Variants in PDGFC observed in about 807,000 individuals in gnomAD.
PDGFC encodes platelet-derived growth factor C.
A neutral mutation model predicts 35.5 loss-of-function variants in PDGFC; 12 were observed. The observed-to-expected ratio is 0.34, with a 90% confidence interval of 0.22 to 0.55. The LOEUF (loss-of-function observed/expected upper bound fraction) is 0.55. Ranked by LOEUF, PDGFC falls within the 20% of genes least tolerant of loss-of-function variation. The pLI is 0.91. For synonymous variants in PDGFC, 159 were observed against 148.8 expected (o/e 1.07, Z -0.50); for missense variants, 322 against 412.4 (o/e 0.78, Z 1.90).
At chr4:156,914,599 C>A (rs1008851495) in intron 1 of PDGFC, among the ~76,000 whole-genome samples, 30 of 152,210 alleles carry the variant, frequency 2.0e-4, no homozygotes, top group Non-Finnish European at 3.5e-4. Flanking sequence ...TAAAGCCTAT[C>A]CACTAGGTTA....
chr4:156,810,809 A>C lies in PDGFC; in HGVS notation c.495+28T>G, dbSNP rs199518141. 1.8e-4 allele frequency: 249 copies of C among 1,415,138 alleles called. 1 individual carries two copies. Among genetic ancestry groups the C allele is most frequent in the Non-Finnish European group, 2.3e-4 (231 of 1,025,372 alleles). 87.7% of individuals were successfully genotyped at this position (1,415,138 alleles called of 1,614,324 possible). On this transcript the variant is annotated intron_variant, in intron 3 of 5. Transcript: ENST00000502773. The stretch of plus-strand genomic sequence containing the variant: ...AAGAAACAAAAAGCTGATCCAATTA[A>C]ATAAGGGGATCTGAAAGTGGTACTT...
chr4:156,889,749 T>C (rs1162300508), intron 1 of PDGFC, among the ~76,000 whole-genome samples: 1 of 152,204 alleles, frequency 6.6e-6, no homozygotes, highest in Non-Finnish European at 1.5e-5. Context: ...GTTTTGGTTT[T>C]TTTTCTAATC....
chr4:156,919,466 T>C (rs762029611), intron 1 of PDGFC, among the ~76,000 whole-genome samples: 1 of 144,536 alleles, frequency 6.9e-6, no homozygotes, highest in Non-Finnish European at 1.5e-5. Context: ...AGTGGCAGTC[T>C]GGTTCAATTT....
At chr4:156,793,275 T>G (rs1731344663) in intron 3 of PDGFC, among the ~76,000 whole-genome samples, 1 of 151,976 alleles carries the variant, frequency 6.6e-6, no homozygotes, top group South Asian at 2.1e-4. Flanking sequence ...TTTTGGGGAC[T>G]ATAAGAATTA....
chr4:156,906,820 A>G (rs890800210), intron 1 of PDGFC, among the ~76,000 whole-genome samples: 1 of 152,172 alleles, frequency 6.6e-6, no homozygotes, highest in Non-Finnish European at 1.5e-5. Context: ...CTTAATTTCT[A>G]GAATAATATC....
At position 156,932,094 on chromosome 4, in the gene PDGFC, T is replaced by C. The variant is rs935759528; in HGVS notation, c.118+38692A>G. ...AATGTAATGCTAATTTAATCTATTA[T>C]TAAGAACATTTAATGTGCTCTGTTT... On this transcript the variant is annotated intron_variant, in intron 1 of 5. Coordinates refer to ENST00000502773, the MANE Select transcript of PDGFC (RefSeq NM_016205.3). 2.6e-5 allele frequency among the ~76,000 whole-genome samples: 4 copies of C among 152,222 alleles called. No individual in the cohort carries two copies. The South Asian group carries it at 8.3e-4, about 32-fold the overall frequency.
intron 3 of PDGFC, among the ~76,000 whole-genome samples, chr4:156,795,115 G>T (rs1026578028): frequency 6.6e-6 from 1 of 152,138 alleles, no homozygotes; most frequent in African/African-American, 2.4e-5. Flanking sequence ...ACTTGTATTT[G>T]TTCCCAAAAG....
intron 2 of PDGFC, among the ~76,000 whole-genome samples, chr4:156,812,757 A>G (rs1731973343): frequency 1.3e-5 from 2 of 152,068 alleles, no homozygotes; most frequent in Admixed American, 6.6e-5. Context: ...CCTAACTCAG[A>G]GACATTTGAA....
In PDGFC at chr4:156,913,275, G is replaced by A. The variant is rs151093996; in HGVS notation, c.118+57511C>T. On this transcript the variant is annotated intron_variant, in intron 1 of 5. Coordinates refer to ENST00000502773, the MANE Select transcript of PDGFC (RefSeq NM_016205.3). ...GTGATATATAAAATGGTGTCATGGT[G>A]GTACAGAGCCCTACAACGGAGTTGG... Among the ~76,000 whole-genome samples the A allele has an allele frequency of 5.7e-3, 860 of 152,178 alleles. 7 individuals are homozygous for A. The highest frequency in any genetic ancestry group is 0.02 in the African/African-American group (825 of 41,512).
intron 1 of PDGFC, among the ~76,000 whole-genome samples, chr4:156,886,388 A>T (rs1279593374): frequency 6.6e-6 from 1 of 152,210 alleles, no homozygotes; most frequent in Non-Finnish European, 1.5e-5. Context: ...TGAGACTTGT[A>T]CTTCTAGTTT....
rs58698115 is a variant in PDGFC, at chr4:156,824,285, CATATATAT to C, written c.315-13276_315-13269del. 9.2e-4 allele frequency among the ~76,000 whole-genome samples: 85 copies of C among 92,864 alleles called. 2 individuals carry two copies. Among genetic ancestry groups the C allele is most frequent in the South Asian group, 2.2e-3 (6 of 2,716 alleles). The allele number at this position is 92,864 out of a possible 152,430, so 60.9% of individuals were successfully genotyped here. On this transcript the variant is annotated intron_variant, in intron 2 of 5. Transcript: ENST00000502773. ...TTTAACCCGTCTAGAACAATGTAAGCATATATATATATATATATATATATATATATATA... is the reference window on the plus strand; with the variant it reads ...TTTAACCCGTCTAGAACAATGTAAGCATATATATATATATATATATATATA...
chr4:156,881,874 T>C (rs74994517), intron 1 of PDGFC, among the ~76,000 whole-genome samples: 1 of 151,240 alleles, frequency 6.6e-6, no homozygotes, highest in African/African-American at 2.4e-5. Flanking sequence ...AAGCTCTCTG[T>C]CTCTTTGCTT....
intron 2 of PDGFC, among the ~76,000 whole-genome samples, chr4:156,811,607 GTA>G (rs1271227132): frequency 6.6e-6 from 1 of 152,048 alleles, no homozygotes; most frequent in Non-Finnish European, 1.5e-5. Context: ...CCATATATGT[GTA>G]TAAGTGATCC....
chr4:156,785,858 T>C (rs1731109703), intron 3 of PDGFC, among the ~76,000 whole-genome samples: 1 of 152,176 alleles, frequency 6.6e-6, no homozygotes, highest in South Asian at 2.1e-4. Context: ...AGTTGATCAA[T>C]ATCTTCCCAC....
chr4:156,893,000 A>G (rs1373524838), intron 1 of PDGFC, among the ~76,000 whole-genome samples: 1 of 152,154 alleles, frequency 6.6e-6, no homozygotes, highest in Non-Finnish European at 1.5e-5. Context: ...CCCCTACCAC[A>G]CAGATTTATT....
chr4:156,846,663 T>G (rs185234490), intron 2 of PDGFC, among the ~76,000 whole-genome samples: 4 of 151,898 alleles, frequency 2.6e-5, no homozygotes, highest in Admixed American at 1.3e-4. Context: ...AATGTTAAAT[T>G]TATTTCACTT....
chr4:156,931,896 T>C (rs1417907649), intron 1 of PDGFC, among the ~76,000 whole-genome samples: 1 of 152,182 alleles, frequency 6.6e-6, no homozygotes, highest in Admixed American at 6.5e-5. Context: ...TAAAGACTTC[T>C]TTCTTTTGAA....
At chr4:156,855,078 C>T (rs374371019) in intron 1 of PDGFC, among the ~76,000 whole-genome samples, 4 of 151,988 alleles carry the variant, frequency 2.6e-5, no homozygotes, top group South Asian at 4.2e-4. Flanking sequence ...TACTGTAAAA[C>T]TGTTGACTAT....
At chr4:156,802,942 T>C (rs757714688) in intron 3 of PDGFC, among the ~76,000 whole-genome samples, 1 of 152,148 alleles carries the variant, frequency 6.6e-6, no homozygotes, top group Admixed American at 6.6e-5. Flanking sequence ...TCTCAGTATA[T>C]TCATGGAAGT....
Sources: gnomAD v4.1 joint callset for allele counts (sites outside exome capture counted in the v4.1 genomes callset) on GRCh38, gnomAD v4.1.1 for gene constraint, MANE v1.5 for transcripts, NCBI Gene and HGNC (gene_info 2026-07-23, HGNC 2026-07-21) for gene names.